The following INPP5A variants were observed in gnomAD, a reference collection of about 807,000 sequenced individuals.
INPP5A encodes the protein inositol polyphosphate-5-phosphatase A.
A neutral mutation model predicts 65.2 loss-of-function variants in INPP5A; 14 were observed. That is an observed-to-expected ratio of 0.21 (90% CI 0.14 to 0.34). The LOEUF (loss-of-function observed/expected upper bound fraction) is 0.34, where lower values mean the gene tolerates loss of function less well. Ranked by LOEUF, INPP5A falls within the 10% of genes least tolerant of loss-of-function variation. INPP5A has a pLI of 1.00. For missense variants in INPP5A, 431 were observed against 545.6 expected (o/e 0.79, Z 2.09); for synonymous variants, 207 against 208.3 (o/e 0.99, Z 0.05).
intron 1 of INPP5A, among the ~76,000 whole-genome samples, chr10:132,562,085 G>A (rs2071213583): frequency 6.6e-6 from 1 of 152,284 alleles, no homozygotes; most frequent in African/African-American, 2.4e-5. Flanking sequence ...AAGGGCCGAA[G>A]AGCCAGGCTT....
In INPP5A at chr10:132,663,696, A is replaced by AT. The variant is rs2072765895; in HGVS notation, c.306+13191_306+13192insT. ...TTGCAGTGGAGTCTGTGCCTGTGGC[A>AT]GCCGTCTGCATGACTTTGGGTCATT... is the stretch of plus-strand genomic sequence containing the variant. On this transcript the variant is annotated intron_variant, in intron 4 of 15. Transcript: ENST00000368594. The surrounding 1 kb of genome is among the most constrained non-coding windows in gnomAD (Gnocchi z 4.5). 1.3e-5 allele frequency among the ~76,000 whole-genome samples: 2 copies of AT among 152,188 alleles called. No homozygotes were observed. Among genetic ancestry groups the AT allele is most frequent in the South Asian group, 4.1e-4 (2 of 4,834 alleles).
In INPP5A at chr10:132,550,380, G is replaced by A. The variant is rs1003948605; in HGVS notation, c.75+12209G>A. On this transcript the variant is annotated intron_variant, in intron 1 of 15. Coordinates refer to ENST00000368594, the MANE Select transcript of INPP5A (RefSeq NM_005539.5). This position sits in a 1 kb window ranked among gnomAD's most constrained non-coding sequence, Gnocchi z 4.2. ...TCCTGGGTGTCAGTGGTTTTTGGGAGTCCAGGTGCAGGTCTCAGCAGCAAC... is the reference window on the plus strand; with the variant it reads ...TCCTGGGTGTCAGTGGTTTTTGGGAATCCAGGTGCAGGTCTCAGCAGCAAC... 6.6e-6 allele frequency among the ~76,000 whole-genome samples: 1 copy of A among 152,332 alleles called. No individual in the cohort carries two copies. The highest frequency in any genetic ancestry group is 1.9e-4 in the East Asian group (1 of 5,182).
chr10:132,767,914 C>G (rs1313703678), intron 12 of INPP5A, among the ~76,000 whole-genome samples: 1 of 149,802 alleles, frequency 6.7e-6, no homozygotes, highest in Admixed American at 6.6e-5. Context: ...GACCCCAACC[C>G]TCGGCATTCC....
intron 9 of INPP5A, among the ~76,000 whole-genome samples, chr10:132,739,696 A>T (rs1396328614): frequency 6.6e-6 from 1 of 152,220 alleles, no homozygotes; most frequent in African/African-American, 2.4e-5. Context: ...TGTGTGCCAT[A>T]GGAAAGGAGT....
At chr10:132,748,505 C>T (rs899246349) in intron 9 of INPP5A, among the ~76,000 whole-genome samples, 1 of 152,246 alleles carries the variant, frequency 6.6e-6, no homozygotes, top group Non-Finnish European at 1.5e-5. Flanking sequence ...GTGTCGGGGC[C>T]AGGGGCTCCC....
intron 9 of INPP5A, among the ~76,000 whole-genome samples, chr10:132,735,190 C>T (rs1042311024): frequency 6.6e-6 from 1 of 152,200 alleles, no homozygotes; most frequent in African/African-American, 2.4e-5. Context: ...CATTCAGAGG[C>T]CACGTTGGTA....
At chr10:132,596,945 G>GCGCATGTGCGCGCA (rs1564929060) in intron 1 of INPP5A, among the ~76,000 whole-genome samples, 1 of 130,730 alleles carries the variant, frequency 7.6e-6, no homozygotes, top group African/African-American at 3.5e-5. Context: ...GCATGTGTGC[G>GCGCATGTGCGCGCA]TGTGTGCACA....
intron 5 of INPP5A, among the ~76,000 whole-genome samples, chr10:132,692,744 A>G (rs928581487): frequency 1.3e-5 from 2 of 152,252 alleles, no homozygotes; most frequent in South Asian, 4.1e-4. Context: ...CAGATAAGCA[A>G]AAATTGAAGT....
At position 132,659,604 on chromosome 10, in the gene INPP5A, A is replaced by G. The variant is rs1468323310; in HGVS notation, c.306+9099A>G. 6.6e-6 allele frequency among the ~76,000 whole-genome samples: 1 copy of G among 152,174 alleles called. No individual in the cohort carries two copies. The highest frequency in any genetic ancestry group is 1.5e-5 in the Non-Finnish European group (1 of 68,028). ...GTCCAGCTGCTGCACAGCCATGGGT[A>G]TTCTGTGCTGAGCGCCGTGGCTGAT... On this transcript the variant is annotated intron_variant, in intron 4 of 15. Coordinates refer to ENST00000368594, the MANE Select transcript of INPP5A (RefSeq NM_005539.5). This position sits in a 1 kb window ranked among gnomAD's most constrained non-coding sequence, Gnocchi z 5.5.
intron 1 of INPP5A, among the ~76,000 whole-genome samples, chr10:132,601,082 A>G (rs369644761): frequency 1.3e-5 from 2 of 152,328 alleles, no homozygotes; most frequent in African/African-American, 4.8e-5. Context: ...CGATGGCACC[A>G]TGTTACATTC....
At position 132,761,598 on chromosome 10, in the gene INPP5A, G is replaced by A. The variant is rs948884508; in HGVS notation, c.904-4175G>A. ...CAGCACGGTGGGGCGGAGCCTGGGG[G>A]TGCCATGCGGAGGCTTGCTGAGAAG... is the stretch of plus-strand genomic sequence containing the variant. On this transcript the variant is annotated intron_variant, in intron 11 of 15. Coordinates refer to ENST00000368594, the MANE Select transcript of INPP5A (RefSeq NM_005539.5). Among the ~76,000 whole-genome samples, 4 of 152,080 alleles carry A rather than the reference G, an allele frequency of 2.6e-5. No individual in the cohort carries two copies. In the South Asian group the frequency reaches 8.3e-4, roughly 32 times the overall value.
chr10:132,615,229 C>A (rs2072015539), intron 2 of INPP5A, among the ~76,000 whole-genome samples: 1 of 152,250 alleles, frequency 6.6e-6, no homozygotes, highest in Admixed American at 6.5e-5. Context: ...CGGCCCGCAG[C>A]CCGTGGGCCA....
intron 11 of INPP5A, among the ~76,000 whole-genome samples, chr10:132,764,779 ACACT>A (rs552696597): frequency 3.6e-4 from 44 of 123,208 alleles, no homozygotes; most frequent in African/African-American, 1.3e-3. Context: ...GTGCGTGGTG[ACACT>A]CAGAAACACG....
intron 4 of INPP5A, among the ~76,000 whole-genome samples, chr10:132,677,579 C>A (rs766199214): frequency 2.6e-5 from 4 of 152,232 alleles, no homozygotes; most frequent in Non-Finnish European, 4.4e-5. Flanking sequence ...AGATGTACCC[C>A]CTTTGGAGAA....
At chr10:132,683,912 G>A (rs1461019344) in intron 4 of INPP5A, among the ~76,000 whole-genome samples, 4 of 152,094 alleles carry the variant, frequency 2.6e-5, no homozygotes, top group African/African-American at 7.2e-5. Flanking sequence ...ATGGGGTTTC[G>A]CCATGTTGGC....
intron 1 of INPP5A, among the ~76,000 whole-genome samples, chr10:132,593,794 A>T (rs2071649309): frequency 6.6e-6 from 1 of 151,966 alleles, no homozygotes; most frequent in African/African-American, 2.4e-5. Context: ...ATTCTGCTTG[A>T]TGTTCTCTGG....
At chr10:132,690,175 G>A (rs1003949052) in intron 4 of INPP5A, among the ~76,000 whole-genome samples, 2 of 152,250 alleles carry the variant, frequency 1.3e-5, no homozygotes, top group Non-Finnish European at 2.9e-5. Flanking sequence ...AGCCAGCAGC[G>A]GCTGCACGGC....
At chr10:132,745,072 G>T (rs1362450631) in intron 9 of INPP5A, among the ~76,000 whole-genome samples, 1 of 152,212 alleles carries the variant, frequency 6.6e-6, no homozygotes, top group Non-Finnish European at 1.5e-5. Flanking sequence ...AGGTGCATTT[G>T]CCTCTGCTCC....
At chr10:132,569,626 G>T (rs1031237317) in intron 1 of INPP5A, among the ~76,000 whole-genome samples, 7 of 151,764 alleles carry the variant, frequency 4.6e-5, no homozygotes, top group Non-Finnish European at 1.0e-4. Context: ...CAAAGTGCTG[G>T]GATTACAGGC....
Sources: gnomAD v4.1 joint callset for allele counts (sites outside exome capture counted in the v4.1 genomes callset) on GRCh38, gnomAD v4.1.1 for gene constraint, Gnocchi (gnomAD v3.1) non-coding constraint, MANE v1.5 for transcripts, NCBI Gene and HGNC (gene_info 2026-07-23, HGNC 2026-07-21) for gene names.